The following FANCD2OS variants were observed in gnomAD, a reference collection of about 807,000 sequenced individuals.
FANCD2OS encodes the protein FANCD2 opposite strand protein.
Under a neutral mutation model 13.2 loss-of-function variants are expected in FANCD2OS, and 11 were observed. That is an observed-to-expected ratio of 0.83 (90% CI 0.52 to 1.38). FANCD2OS has a LOEUF of 1.38. FANCD2OS is among the 40% of genes most tolerant of loss of function. FANCD2OS has a pLI of 0.00. For missense variants in FANCD2OS, 217 were observed against 213.9 expected, an observed-to-expected ratio of 1.01 and a Z score of -0.09; for synonymous variants, 69 against 84.5, an observed-to-expected ratio of 0.82 and a Z score of 1.01.
At chr3:10,102,563 G>A (rs1254834380), downstream of FANCD2OS, among the ~76,000 whole-genome samples, 1 of 151,962 alleles carries the variant, frequency 6.6e-6, no homozygotes, top group African/African-American at 2.4e-5. Context: ...GGTGGCTCGC[G>A]CCTGTAATCC....
At chr3:10,082,396 T>C (rs1431396192) in intron 2 of FANCD2OS, among the ~76,000 whole-genome samples, 1 of 152,230 alleles carries the variant, frequency 6.6e-6, no homozygotes, top group African/African-American at 2.4e-5. Flanking sequence ...CAGTCCATTC[T>C]TCACATGGCA....
At chr3:10,106,586 C>G (rs933656462) in intron 1 of FANCD2OS, among the ~76,000 whole-genome samples, 1 of 152,154 alleles carries the variant, frequency 6.6e-6, no homozygotes, top group African/African-American at 2.4e-5. Context: ...GACACCTTCA[C>G]CGCCGTTTGT....
At chr3:10,098,763 ATGAGAG>A (rs766605179), downstream of FANCD2OS, 61 of 1,614,196 alleles carry the variant, frequency 3.8e-5, no homozygotes, top group East Asian at 1.3e-3. Flanking sequence ...AGCACAGCAG[ATGAGAG>A]TGAGGATGAC....
At position 10,083,226 on chromosome 3, in the gene FANCD2OS, C is replaced by CA. The variant is rs949468343; in HGVS notation, c.*44-1696dup. ...TGGGCAACAGAACCAGACCCCATCT[C>CA]AAAAAAAAAAAAATCTGGGCCCCAT... On this transcript the variant is annotated intron_variant, in intron 2 of 2. Coordinates refer to the FANCD2OS transcript ENST00000524279. 1.0e-3 allele frequency among the ~76,000 whole-genome samples: 136 copies of CA among 132,300 alleles called. 1 individual carries two copies. Among genetic ancestry groups the CA allele is most frequent in the Middle Eastern group, 3.9e-3 (1 of 254 alleles). The allele number at this position is 132,300 out of a possible 152,430, so 86.8% of individuals were successfully genotyped here. A position where few individuals can be genotyped will look rare whatever the true frequency, so the allele number is the denominator to read the frequency against.
chr3:10,084,231 A>T (rs1267439795), intron 2 of FANCD2OS, among the ~76,000 whole-genome samples: 3 of 150,660 alleles, frequency 2.0e-5, no homozygotes, highest in African/African-American at 7.3e-5. Context: ...TGACCCCGTG[A>T]TCTACCCACC....
chr3:10,100,490 G>A (rs921790692), downstream of FANCD2OS, among the ~76,000 whole-genome samples: 9 of 152,126 alleles, frequency 5.9e-5, no homozygotes, highest in African/African-American at 1.9e-4. Flanking sequence ...TCCTGCCTCA[G>A]CCTTCCAAGT....
At chr3:10,094,702 A>AT (rs199692792) in intron 2 of FANCD2OS, among the ~76,000 whole-genome samples, 1 of 151,322 alleles carries the variant, frequency 6.6e-6, no homozygotes, top group Admixed American at 6.6e-5. Context: ...CTCAGAAATG[A>AT]TTTTAAAAAA....
At chr3:10,101,328 T>G, downstream of FANCD2OS, 1 of 1,158,674 alleles carries the variant, frequency 8.6e-7, no homozygotes, top group East Asian at 2.3e-5. Context: ...TGTTAGAGTT[T>G]GAAATCCGCT....
At chr3:10,090,072 C>T (rs1694493938) in intron 2 of FANCD2OS, among the ~76,000 whole-genome samples, 1 of 152,128 alleles carries the variant, frequency 6.6e-6, no homozygotes, top group South Asian at 2.1e-4. Flanking sequence ...TCCATACTAC[C>T]ATAACACCTC....
At chr3:10,087,485 T>C (rs956400901) in intron 2 of FANCD2OS, among the ~76,000 whole-genome samples, 2 of 151,416 alleles carry the variant, frequency 1.3e-5, no homozygotes, top group South Asian at 2.1e-4. Flanking sequence ...GCTGAGTAGA[T>C]AGTTTTCTCT....
chr3:10,081,634 A>G (rs970349307), intron 2 of FANCD2OS: 39 of 693,948 alleles, frequency 5.6e-5, no homozygotes, highest in Non-Finnish European at 9.4e-5. Context: ...TTGATCTTGT[A>G]CCCTCTGAGT....
intron 2 of FANCD2OS, among the ~76,000 whole-genome samples, chr3:10,091,145 A>T (rs1351215961): frequency 1.3e-5 from 2 of 148,984 alleles, no homozygotes; most frequent in Non-Finnish European, 3.0e-5. Context: ...TAGTGGTGCA[A>T]ACTTGGCTCA....
chr3:10,107,870 A>C (rs989011908), intron 1 of FANCD2OS, 145 bp downstream of exon 1: 1 of 151,896 alleles, frequency 6.6e-6, no homozygotes, highest in Non-Finnish European at 1.5e-5. Context: ...ACTGTCAACC[A>C]CTCCAGAAGG....
chr3:10,088,853 A>G lies in FANCD2OS; in HGVS notation c.*44-7322T>C, dbSNP rs1339689117. 2 of 1,614,220 alleles carry G rather than the reference A, an allele frequency of 1.2e-6. No homozygotes were observed. The highest frequency in any genetic ancestry group is 1.1e-5 in the South Asian group (1 of 91,078). On this transcript the variant is annotated intron_variant, in intron 2 of 2. Transcript: ENST00000524279. ...TATCTACCTGGAGCACACAGAGAGC[A>G]TTCTGAAGGCCATAGAGGAGATTGC...
At chr3:10,086,485 C>T (rs1694211045) in intron 2 of FANCD2OS, among the ~76,000 whole-genome samples, 1 of 151,980 alleles carries the variant, frequency 6.6e-6, no homozygotes, top group African/African-American at 2.4e-5. Context: ...AGGTCAGGAC[C>T]TTATATCTTC....
At chr3:10,101,164 A>T (rs376303652), downstream of FANCD2OS, 1 of 1,584,378 alleles carries the variant, frequency 6.3e-7, no homozygotes, top group Non-Finnish European at 8.7e-7. Context: ...TAAAATGCTT[A>T]TTTATTTATT....
chr3:10,107,169 G>A (rs1695518440), intron 1 of FANCD2OS, among the ~76,000 whole-genome samples: 1 of 152,164 alleles, frequency 6.6e-6, no homozygotes, highest in Non-Finnish European at 1.5e-5. Context: ...CCAAGAGAGG[G>A]ACTACTGTGG....
rs770003791 is a variant in FANCD2OS, at chr3:10,085,938, A to G, written c.*44-4407T>C. Reference sequence around the variant, plus strand: ...AACTACTCAGGTGAGTCATAACTACATAGCCAAGATTGTTGTCCCAAGAAA... The same window carrying G: ...AACTACTCAGGTGAGTCATAACTACGTAGCCAAGATTGTTGTCCCAAGAAA... On this transcript the variant is annotated intron_variant, in intron 2 of 2. Coordinates refer to the FANCD2OS transcript ENST00000524279. 4.6e-6 allele frequency: 7 copies of G among 1,531,418 alleles called. No individual in the cohort carries two copies. The highest frequency in any genetic ancestry group is 1.7e-5 in the Admixed American group (1 of 59,888). 94.9% of individuals were successfully genotyped at this position (1,531,418 alleles called of 1,614,324 possible).
downstream of FANCD2OS, chr3:10,101,065 T>TA (rs78434344): frequency 0.023 from 13,778 of 609,598 alleles, no homozygotes; most frequent in East Asian, 0.032. Flanking sequence ...AAGACTCCTT[T>TA]AAAAAAAAAA....
Sources: gnomAD v4.1 joint callset for allele counts (sites outside exome capture counted in the v4.1 genomes callset) on GRCh38, gnomAD v4.1.1 for gene constraint, MANE v1.5 for transcripts, NCBI Gene and HGNC (gene_info 2026-07-23, HGNC 2026-07-21) for gene names.